Variants in DLG2 observed in about 807,000 individuals in gnomAD.
The protein encoded by DLG2 is discs large MAGUK scaffold protein 2, also known as disks large homolog 2.
A neutral mutation model predicts 132.5 loss-of-function variants in DLG2; 45 were observed. That is an observed-to-expected ratio of 0.34 (90% CI 0.27 to 0.44). DLG2 has a LOEUF of 0.44. Among genes scored for constraint, DLG2 ranks in the 20% least tolerant of loss-of-function variants. The probability of loss-of-function intolerance (pLI) is 1.00; values close to 1 mark genes in which losing one functional copy is unlikely to be tolerated. For missense variants in DLG2, 1,045 were observed against 1,196.9 expected (o/e 0.87, Z 1.87); for synonymous variants, 424 against 419.6 (o/e 1.01, Z -0.13).
chr11:84,941,696 TC>T (rs1209660416), intron 6 of DLG2, among the ~76,000 whole-genome samples: 1 of 148,206 alleles, frequency 6.7e-6, no homozygotes, highest in Non-Finnish European at 1.5e-5. Flanking sequence ...TCTTTCTTTC[TC>T]TTTTTTTTTT....
intron 5 of DLG2, among the ~76,000 whole-genome samples, chr11:85,121,301 T>C (rs1238903020): frequency 6.6e-6 from 1 of 151,776 alleles, no homozygotes; most frequent in East Asian, 1.9e-4. Context: ...TTTAATTTTC[T>C]ATTGCACACC....
intron 4 of DLG2, among the ~76,000 whole-genome samples, chr11:85,272,439 T>C (rs2077594710): frequency 6.6e-6 from 1 of 152,204 alleles, no homozygotes; most frequent in South Asian, 2.1e-4. Flanking sequence ...TAGGATAGGC[T>C]AGAAGTCTGG....
At chr11:84,721,830 T>C (rs981021384) in intron 6 of DLG2, among the ~76,000 whole-genome samples, 2 of 152,198 alleles carry the variant, frequency 1.3e-5, no homozygotes, top group Admixed American at 1.3e-4. Flanking sequence ...AACTAGATGG[T>C]ATTAACCCCT....
intron 26 of DLG2, among the ~76,000 whole-genome samples, chr11:83,463,256 G>GAA (rs34949228): frequency 6.4e-4 from 93 of 144,552 alleles, no homozygotes; most frequent in East Asian, 1.0e-3. Flanking sequence ...AGGCTATTTG[G>GAA]AAAAAAAAAA....
intron 4 of DLG2, among the ~76,000 whole-genome samples, chr11:85,244,027 A>G (rs2076018616): frequency 6.6e-6 from 1 of 152,056 alleles, no homozygotes; most frequent in Non-Finnish European, 1.5e-5. Context: ...TGCTTTGCAC[A>G]GCATCAGTTA....
Position 84,837,360 on chromosome 11 carries a change from T to C in DLG2, c.357+274301A>G, listed in dbSNP as rs2079961930. 1.3e-5 allele frequency among the ~76,000 whole-genome samples: 2 copies of C among 151,648 alleles called. 1 individual carries two copies. The highest frequency in any genetic ancestry group is 4.2e-4 in the South Asian group (2 of 4,816). ...AACACCATTGTTTAAATAAGGAAGA[T>C]CACTGAATATCTCAGTTTGAAGACA... On this transcript the variant is annotated intron_variant, in intron 6 of 27. Transcript: ENST00000376104.
chr11:84,338,867 G>A (rs1057464568), intron 7 of DLG2, among the ~76,000 whole-genome samples: 1 of 152,186 alleles, frequency 6.6e-6, no homozygotes, highest in African/African-American at 2.4e-5. Context: ...GTACACATAT[G>A]AAAATTAAAT....
At chr11:83,871,046 G>A (rs1379954067) in intron 16 of DLG2, among the ~76,000 whole-genome samples, 2 of 152,148 alleles carry the variant, frequency 1.3e-5, no homozygotes, top group Non-Finnish European at 2.9e-5. Context: ...GCTTTCTGTT[G>A]CAAAGAAATA....
intron 16 of DLG2, among the ~76,000 whole-genome samples, chr11:83,835,911 A>G (rs1056822223): frequency 6.6e-6 from 1 of 152,186 alleles, no homozygotes; most frequent in East Asian, 1.9e-4. Context: ...GCACACACAC[A>G]CACCCCTATG....
chr11:83,862,543 C>T (rs943251672), intron 16 of DLG2, among the ~76,000 whole-genome samples: 3 of 151,770 alleles, frequency 2.0e-5, no homozygotes, highest in Non-Finnish European at 4.4e-5. Flanking sequence ...GATGGCAGAA[C>T]AGGTTGATTA....
intron 6 of DLG2, among the ~76,000 whole-genome samples, chr11:84,863,547 C>T (rs943637029): frequency 1.1e-4 from 16 of 152,134 alleles, no homozygotes; most frequent in African/African-American, 3.4e-4. Context: ...TACACCAACA[C>T]ACATATTGAA....
At chr11:84,835,716 T>G (rs2079666152) in intron 6 of DLG2, among the ~76,000 whole-genome samples, 1 of 151,824 alleles carries the variant, frequency 6.6e-6, no homozygotes, top group South Asian at 2.1e-4. Context: ...CTTTTTCAAA[T>G]GGTAGCTATC....
chr11:83,960,489 T>C (rs770732893), intron 14 of DLG2, among the ~76,000 whole-genome samples: 6 of 152,076 alleles, frequency 3.9e-5, no homozygotes, highest in Non-Finnish European at 7.4e-5. Context: ...TGCCAAATTC[T>C]TTTACAAAAG....
chr11:84,151,122 T>C (rs887030517), intron 9 of DLG2, among the ~76,000 whole-genome samples: 1 of 152,024 alleles, frequency 6.6e-6, no homozygotes, highest in African/African-American at 2.4e-5. Context: ...GTTGGCTTTG[T>C]AGAATGGGTT....
At chr11:85,613,863 C>G (rs1330601289) in intron 2 of DLG2, among the ~76,000 whole-genome samples, 1 of 152,230 alleles carries the variant, frequency 6.6e-6, no homozygotes, top group African/African-American at 2.4e-5. Flanking sequence ...TATGTGCCAC[C>G]TTTATGAGCT....
At chr11:83,814,160 C>T (rs898708151) in intron 17 of DLG2, among the ~76,000 whole-genome samples, 2 of 152,202 alleles carry the variant, frequency 1.3e-5, no homozygotes, top group East Asian at 1.9e-4. Flanking sequence ...CTAGATCATA[C>T]ATTCTTTTGG....
intron 4 of DLG2, among the ~76,000 whole-genome samples, chr11:85,280,379 T>G (rs2078153198): frequency 1.3e-5 from 2 of 152,002 alleles, no homozygotes; most frequent in African/African-American, 4.8e-5. Context: ...ATCAGATAGG[T>G]TAAATAATTT....
At chr11:85,004,834 T>G (rs2154132345) in intron 6 of DLG2, among the ~76,000 whole-genome samples, 1 of 152,346 alleles carries the variant, frequency 6.6e-6, no homozygotes, top group Non-Finnish European at 1.5e-5. Context: ...GCCAAGGTTT[T>G]CTTCTAGGGT....
At chr11:85,009,433 A>T (rs2058966767) in intron 6 of DLG2, among the ~76,000 whole-genome samples, 1 of 152,118 alleles carries the variant, frequency 6.6e-6, no homozygotes, top group Non-Finnish European at 1.5e-5. Flanking sequence ...GCCATAAATA[A>T]GTTTATCAGC....
Sources: allele counts gnomAD v4.1 joint callset (sites outside exome capture counted in the v4.1 genomes callset), GRCh38; gene constraint gnomAD v4.1.1; transcripts MANE v1.5; gene names NCBI Gene and HGNC (gene_info 2026-07-23, HGNC 2026-07-21).